The following NPC2 variants were observed in gnomAD, a reference collection of about 807,000 sequenced individuals.
NPC2 encodes the protein Niemann-Pick disease type C2 protein.
In NPC2, 14 loss-of-function variants were observed where a neutral mutation model predicts 17.0. The ratio of observed to expected loss-of-function variants is 0.82; its 90% CI spans 0.54 to 1.29. NPC2 has a LOEUF of 1.29. Ranked by LOEUF, NPC2 falls within the 50% of genes most tolerant of loss-of-function variation. The pLI is 0.00. For synonymous variants in NPC2, 75 were observed against 69.3 expected (o/e 1.08, Z -0.41); for missense variants, 167 against 183.4 (o/e 0.91, Z 0.52).
At chr14:74,486,779 A>G (rs1728286857) in intron 1 of NPC2, among the ~76,000 whole-genome samples, 1 of 152,230 alleles carries the variant, frequency 6.6e-6, no homozygotes, top group Non-Finnish European at 1.5e-5. Context: ...AATTCCAAAC[A>G]TTCCTAGAGT....
At chr14:74,485,034 C>A (rs1432633663) in intron 2 of NPC2, among the ~76,000 whole-genome samples, 3 of 152,092 alleles carry the variant, frequency 2.0e-5, no homozygotes, top group Non-Finnish European at 4.4e-5. Context: ...GTAGCTCCCA[C>A]CTGTAATCCC....
intron 1 of NPC2, among the ~76,000 whole-genome samples, chr14:74,487,113 G>C (rs955425382): frequency 4.6e-5 from 7 of 150,952 alleles, no homozygotes; most frequent in Non-Finnish European, 1.0e-4. Flanking sequence ...ATCATGCCCG[G>C]CTAAGTTTTT....
intron 2 of NPC2, among the ~76,000 whole-genome samples, chr14:74,485,324 A>G (rs1299740059): frequency 7.3e-6 from 1 of 137,866 alleles, no homozygotes; most frequent in Non-Finnish European, 1.6e-5. Context: ...AAAAAAAAAA[A>G]GAAATTGGGT....
intron 1 of NPC2, among the ~76,000 whole-genome samples, chr14:74,491,833 T>C (rs8016972): frequency 0.22 from 34,109 of 152,046 alleles, 4,237 homozygotes; most frequent in African/African-American, 0.32. Context: ...GTTTAAACTC[T>C]GAAACGAAAT....
At chr14:74,487,267 T>TTTTG (rs1394556133) in intron 1 of NPC2, among the ~76,000 whole-genome samples, 1 of 145,198 alleles carries the variant, frequency 6.9e-6, no homozygotes, top group African/African-American at 2.7e-5. Context: ...TTTTGTGGTT[T>TTTTG]TTTTTTGTTT....
chr14:74,492,214 T>C (rs1000046958), intron 1 of NPC2, among the ~76,000 whole-genome samples: 1 of 152,082 alleles, frequency 6.6e-6, no homozygotes, highest in Admixed American at 6.5e-5. Context: ...CTGATCTGAG[T>C]AACAATAAAA....
intron 3 of NPC2, chr14:74,483,496 T>G: frequency 1.9e-6 from 3 of 1,562,482 alleles, no homozygotes; most frequent in Non-Finnish European, 2.6e-6. Context: ...AGAAATCATG[T>G]CTGCTGCTCT....
At chr14:74,491,981 G>A (rs2086778472) in intron 1 of NPC2, among the ~76,000 whole-genome samples, 1 of 152,148 alleles carries the variant, frequency 6.6e-6, no homozygotes, top group African/African-American at 2.4e-5. Context: ...ATTGCTCCTG[G>A]TAATGATATC....
At chr14:74,490,919 G>T (rs149253412) in intron 1 of NPC2, among the ~76,000 whole-genome samples, 1 of 152,186 alleles carries the variant, frequency 6.6e-6, no homozygotes, top group East Asian at 1.9e-4. Flanking sequence ...ATAATTTCTG[G>T]ATTTATTTCC....
At chr14:74,480,580 G>A in intron 4 of NPC2, 122 bp downstream of exon 4, 1 of 874,652 alleles carries the variant, frequency 1.1e-6, no homozygotes, top group East Asian at 2.4e-5. Flanking sequence ...TTTAGAGGTT[G>A]AGAGGCATAA....
chr14:74,488,362 A>G (rs986983454), intron 1 of NPC2, among the ~76,000 whole-genome samples: 1 of 152,158 alleles, frequency 6.6e-6, no homozygotes, highest in African/African-American at 2.4e-5. Flanking sequence ...AAGCAGCACT[A>G]TTAAAGGTAT....
At chr14:74,484,356 C>T (rs927901453) in intron 3 of NPC2, 59 bp downstream of exon 3, 2 of 1,579,014 alleles carry the variant, frequency 1.3e-6, no homozygotes, top group African/African-American at 1.3e-5. Flanking sequence ...TGCCCACTGC[C>T]CTCAGAACTC....
At chr14:74,486,943 C>A (rs2086718187) in intron 1 of NPC2, among the ~76,000 whole-genome samples, 1 of 151,960 alleles carries the variant, frequency 6.6e-6, no homozygotes. Flanking sequence ...TTGTTCACTA[C>A]AGGAACAACT....
At chr14:74,489,989 G>A (rs1339251203) in intron 1 of NPC2, among the ~76,000 whole-genome samples, 1 of 152,196 alleles carries the variant, frequency 6.6e-6, no homozygotes, top group Non-Finnish European at 1.5e-5. Context: ...GTTTAATCTA[G>A]AATAGCTGCT....
Position 74,486,381 on chromosome 14 carries a change from G to A in NPC2, c.138C>T (p.Pro46=). 6.2e-7 allele frequency: 1 copy of A among 1,606,060 alleles called. No individual in the cohort carries two copies. Among genetic ancestry groups the A allele is most frequent in the Non-Finnish European group, 8.5e-7 (1 of 1,176,212 alleles). The change falls in exon 2 of 5, where the codon CCC becomes CCT. Residue 46 remains proline, a synonymous_variant. Coordinates refer to ENST00000555619, the MANE Select transcript of NPC2 (RefSeq NM_006432.5). ...AAGACTGTCCTTTGCTCAGCTGGCA[G>A]GGTTGGGTGGGGCATGGGCTCACAT... The part of the protein sequence containing the change: ...EVNVSPCPTQ[P]CQLSKGQSYS...
intron 1 of NPC2, among the ~76,000 whole-genome samples, chr14:74,488,491 G>A (rs1301277569): frequency 6.6e-6 from 1 of 152,152 alleles, no homozygotes; most frequent in Admixed American, 6.6e-5. Context: ...CAAGGCAGGT[G>A]GATCAAGAGG....
In NPC2 at chr14:74,480,249, A is replaced by G; in HGVS notation, c.*25T>C. ...AAGAGTCTCAGCAGACTCATTGGCC[A>G]GATGCACCGAACTCAATGAGGCACT... On this transcript the variant is annotated 3_prime_UTR_variant, in exon 5 of 5. Coordinates refer to ENST00000555619, the MANE Select transcript of NPC2 (RefSeq NM_006432.5). 6.2e-7 allele frequency: 1 copy of G among 1,614,192 alleles called. No homozygotes were observed. The highest frequency in any genetic ancestry group is 8.5e-7 in the Non-Finnish European group (1 of 1,180,034).
chr14:74,488,944 A>G (rs562787693), intron 1 of NPC2, among the ~76,000 whole-genome samples: 74 of 152,194 alleles, frequency 4.9e-4, no homozygotes, highest in Non-Finnish European at 9.7e-4. Flanking sequence ...AGTTTCTTCA[A>G]TGATTTAGTC....
At chr14:74,489,642 A>C (rs2086750614) in intron 1 of NPC2, among the ~76,000 whole-genome samples, 1 of 152,240 alleles carries the variant, frequency 6.6e-6, no homozygotes, top group African/African-American at 2.4e-5. Context: ...AAAGGTTTAA[A>C]TAAAGCCTTT....
Sources: gnomAD v4.1 joint callset for allele counts (sites outside exome capture counted in the v4.1 genomes callset) on GRCh38, gnomAD v4.1.1 for gene constraint, MANE v1.5 for transcripts, NCBI Gene and HGNC (gene_info 2026-07-23, HGNC 2026-07-21) for gene names.